The following GLIS1 variants were observed in gnomAD, a reference collection of about 807,000 sequenced individuals.
GLIS1 encodes GLIS family zinc finger 1.
Under a neutral mutation model 63.8 loss-of-function variants are expected in GLIS1, and 24 were observed. The observed-to-expected ratio is 0.38, with a 90% CI of 0.27 to 0.53. GLIS1 has a LOEUF of 0.53. Ranked by LOEUF, GLIS1 falls within the 20% of genes least tolerant of loss-of-function variation. GLIS1 has a pLI of 0.85. For synonymous variants in GLIS1, 450 were observed against 482.5 expected (o/e 0.93, Z 0.88); for missense variants, 1,036 against 1,074.1 (o/e 0.96, Z 0.50).
intron 6 of GLIS1, 113 bp downstream of exon 6, chr1:53,524,664 G>T: frequency 1.4e-6 from 1 of 733,132 alleles, no homozygotes; most frequent in Non-Finnish European, 2.4e-6. Flanking sequence ...GACGAACAGT[G>T]GCATACAGGG....
intron 2 of GLIS1, among the ~76,000 whole-genome samples, chr1:53,607,779 T>C (rs1270643478): frequency 1.3e-5 from 2 of 152,170 alleles, no homozygotes; most frequent in Admixed American, 1.3e-4. Flanking sequence ...CTTAAACAAC[T>C]GAAATGTATT....
chr1:53,654,068 T>A (rs1645937560), intron 2 of GLIS1, among the ~76,000 whole-genome samples: 1 of 152,234 alleles, frequency 6.6e-6, no homozygotes, highest in Non-Finnish European at 1.5e-5. Context: ...AGCTTGGGAC[T>A]GAGACCAGTA....
At chr1:53,576,908 T>G (rs1252067233) in intron 4 of GLIS1, among the ~76,000 whole-genome samples, 1 of 151,934 alleles carries the variant, frequency 6.6e-6, no homozygotes, top group African/African-American at 2.4e-5. Context: ...GCCCTTCTCA[T>G]TCACATTCTA....
At chr1:53,687,544 C>A (rs549246079) in intron 2 of GLIS1, among the ~76,000 whole-genome samples, 133 of 152,294 alleles carry the variant, frequency 8.7e-4, no homozygotes, top group African/African-American at 2.8e-3. Flanking sequence ...AGCCGAGGAG[C>A]TTCCTGAAGG....
chr1:53,717,745 T>G (rs1348379094), intron 2 of GLIS1, among the ~76,000 whole-genome samples: 1 of 152,222 alleles, frequency 6.6e-6, no homozygotes, highest in African/African-American at 2.4e-5. Context: ...ATATTTAACT[T>G]GTTTACTTGA....
intron 2 of GLIS1, among the ~76,000 whole-genome samples, chr1:53,603,595 C>T (rs1001521603): frequency 6.6e-6 from 1 of 152,214 alleles, no homozygotes; most frequent in Non-Finnish European, 1.5e-5. Context: ...AGTGACTTCA[C>T]AAGACCCAGA....
chr1:53,513,276 T>C (rs1009815742), intron 8 of GLIS1, among the ~76,000 whole-genome samples: 1 of 152,080 alleles, frequency 6.6e-6, no homozygotes, highest in Non-Finnish European at 1.5e-5. Flanking sequence ...TGGGATGCTG[T>C]CTGTCCAGCG....
At chr1:53,689,286 G>A (rs1382877248) in intron 2 of GLIS1, among the ~76,000 whole-genome samples, 1 of 152,186 alleles carries the variant, frequency 6.6e-6, no homozygotes, top group Non-Finnish European at 1.5e-5. Flanking sequence ...CCAGTCAGAG[G>A]GAAGGAGGCC....
At chr1:53,681,402 G>A (rs949059527) in intron 2 of GLIS1, among the ~76,000 whole-genome samples, 3 of 152,334 alleles carry the variant, frequency 2.0e-5, no homozygotes, top group Non-Finnish European at 2.9e-5. Context: ...CTCACTGGCC[G>A]CCCTGCTCCC....
chr1:53,648,810 C>T (rs937403663), intron 2 of GLIS1, among the ~76,000 whole-genome samples: 1 of 152,170 alleles, frequency 6.6e-6, no homozygotes, highest in East Asian at 1.9e-4. Context: ...GAAGTCAGGC[C>T]TGTGGTTACC....
intron 2 of GLIS1, among the ~76,000 whole-genome samples, chr1:53,649,944 C>T (rs1008722651): frequency 2.6e-5 from 4 of 152,116 alleles, no homozygotes; most frequent in Admixed American, 6.5e-5. Flanking sequence ...TTTGACTATA[C>T]CGGGGCTCTC....
At chr1:53,631,122 T>G (rs1445698920) in intron 2 of GLIS1, among the ~76,000 whole-genome samples, 2 of 152,242 alleles carry the variant, frequency 1.3e-5, no homozygotes, top group Admixed American at 6.5e-5. Context: ...TAAAAATGTT[T>G]TAACTTTTCA....
chr1:53,596,856 A>G (rs192799143), intron 3 of GLIS1, among the ~76,000 whole-genome samples: 1 of 152,256 alleles, frequency 6.6e-6, no homozygotes. Flanking sequence ...CTCAGATCGC[A>G]TGTCTCTGAG....
At chr1:53,565,187 C>T (rs953426767) in intron 4 of GLIS1, among the ~76,000 whole-genome samples, 4 of 151,882 alleles carry the variant, frequency 2.6e-5, no homozygotes, top group African/African-American at 7.3e-5. Flanking sequence ...CAATTTATTG[C>T]AACTGAACTA....
chr1:53,626,987 C>T (rs1645601014), intron 2 of GLIS1, among the ~76,000 whole-genome samples: 1 of 152,396 alleles, frequency 6.6e-6, no homozygotes, highest in South Asian at 2.1e-4. Context: ...TGTGAACACA[C>T]ATTCTCCAGG....
intron 2 of GLIS1, among the ~76,000 whole-genome samples, chr1:53,666,424 G>A (rs1456713301): frequency 6.6e-6 from 1 of 152,174 alleles, no homozygotes; most frequent in African/African-American, 2.4e-5. Flanking sequence ...GGTCCCACTA[G>A]ATTAGACACT....
chr1:53,568,281 C>G (rs1644953565), intron 4 of GLIS1, among the ~76,000 whole-genome samples: 1 of 152,214 alleles, frequency 6.6e-6, no homozygotes, highest in Non-Finnish European at 1.5e-5. Context: ...CCTGTAGCCC[C>G]TTTGTTTTGA....
intron 4 of GLIS1, among the ~76,000 whole-genome samples, chr1:53,548,056 T>A (rs1204531620): frequency 6.6e-6 from 1 of 152,262 alleles, no homozygotes; most frequent in Non-Finnish European, 1.5e-5. Flanking sequence ...GCCTCCCTGC[T>A]GGCCGCATCC....
chr1:53,660,290 C>T (rs549809769), intron 2 of GLIS1, among the ~76,000 whole-genome samples: 2 of 152,192 alleles, frequency 1.3e-5, no homozygotes, highest in Non-Finnish European at 2.9e-5. Context: ...CCCCAGCCAT[C>T]CTCCCTCTGC....
Sources: allele counts gnomAD v4.1 joint callset (sites outside exome capture counted in the v4.1 genomes callset), GRCh38; gene constraint gnomAD v4.1.1; transcripts MANE v1.5; gene names NCBI Gene and HGNC (gene_info 2026-07-23, HGNC 2026-07-21).